PRPH: variants seen among roughly 807,000 people sequenced by gnomAD.
The protein encoded by PRPH is neurofilament 4 (57kD).
A neutral mutation model predicts 52.6 loss-of-function variants in PRPH; 48 were observed. The observed-to-expected ratio is 0.91, with a 90% CI of 0.72 to 1.16. The LOEUF is 1.16. Among genes scored for constraint, PRPH ranks in the 50% most tolerant of loss-of-function variants. The probability of loss-of-function intolerance (pLI) is 0.00; values close to 1 mark genes in which losing one functional copy is unlikely to be tolerated. For missense variants in PRPH, 579 were observed against 635.7 expected, an observed-to-expected ratio of 0.91 and a Z score of 0.96; for synonymous variants, 279 against 283.8, an observed-to-expected ratio of 0.98 and a Z score of 0.17.
chr12:49,297,172 A>C lies in PRPH; in HGVS notation c.895A>C (p.Asn299His). 6.2e-7 allele frequency: 1 copy of C among 1,614,018 alleles called. No homozygotes were observed. The highest frequency in any genetic ancestry group is 1.6e-4 in the Middle Eastern group (1 of 6,062). Residue 299 changes from asparagine (N) to histidine (H), a missense_variant, in exon 5 of 9, where the codon AAC (asparagine) becomes CAC (histidine). Physicochemically the swap from Asn to His is moderately conservative, Grantham distance 68. Transcript: ENST00000257860. This position sits in a 1 kb window ranked among gnomAD's most constrained non-coding sequence, Gnocchi z 4.4. The part of the protein sequence containing the change: ...SKYADLSDAA[N>H]RNHEALRQAK... ...GTACGCGGACCTGTCCGACGCTGCC[A>C]ACCGGAACCACGAGGCCCTGCGCCA...
At position 49,296,566 on chromosome 12, in the gene PRPH, TG is replaced by T. The variant is rs1943183060; in HGVS notation, c.702+43del. 15 of 1,585,132 alleles carry T rather than the reference TG, an allele frequency of 9.5e-6. No individual in the cohort carries two copies. Among genetic ancestry groups the T allele is most frequent in the Non-Finnish European group, 1.2e-5 (14 of 1,155,692 alleles). On this transcript the variant is annotated intron_variant, in intron 3 of 8. Coordinates refer to ENST00000257860, the MANE Select transcript of PRPH (RefSeq NM_006262.4). The surrounding 1 kb of genome is among the most constrained non-coding windows in gnomAD (Gnocchi z 5.1). Reference sequence around the variant, plus strand: ...GTATCAGGGGCGGTTTCTGAGGTTGTGGGGTGGTCTCGCTGGAGCTGGCGGG... The same window carrying T: ...GTATCAGGGGCGGTTTCTGAGGTTGTGGGTGGTCTCGCTGGAGCTGGCGGG...
In PRPH at chr12:49,296,720, G is replaced by A. The variant is rs1437412413; in HGVS notation, c.703-169G>A. 1.6e-6 allele frequency: 2 copies of A among 1,219,376 alleles called. No individual in the cohort carries two copies. Among genetic ancestry groups the A allele is most frequent in the Non-Finnish European group, 2.3e-6 (2 of 875,068 alleles). 75.5% of individuals were successfully genotyped at this position (1,219,376 alleles called of 1,614,324 possible). On this transcript the variant is annotated intron_variant, in intron 3 of 8. Transcript: ENST00000257860. The surrounding 1 kb of genome is among the most constrained non-coding windows in gnomAD (Gnocchi z 5.1). ...CGGCGGGCAGCGGGGCTGTACCTCC[G>A]AAACCTGGCCTCTGGTCTCGCGCCC...
rs753449951 is a variant in PRPH, at chr12:49,298,645, G to C, written c.*292G>C. 52 of 467,008 alleles carry C rather than the reference G, an allele frequency of 1.1e-4. No individual in the cohort carries two copies. The highest frequency in any genetic ancestry group is 2.8e-5 in the Non-Finnish European group (7 of 254,440). The allele number at this position is 467,008 out of a possible 1,614,324, so 28.9% of individuals were successfully genotyped here. On this transcript the variant is annotated 3_prime_UTR_variant, in exon 9 of 9. Coordinates refer to ENST00000257860, the MANE Select transcript of PRPH (RefSeq NM_006262.4). ...ATGAGAAGTGGGTGAGCCAGGGTCT[G>C]AGTTTCACATTTGAACCAAATAAAA... is the stretch of plus-strand genomic sequence containing the variant.
rs1943181666 is a variant in PRPH at position 49,296,485 on chromosome 12, T to C, written c.660T>C (p.Ser220=). Residue 220 remains serine, a synonymous_variant, in exon 3 of 9, where the codon TCT becomes TCC. Transcript: ENST00000257860. This position sits in a 1 kb window ranked among gnomAD's most constrained non-coding sequence, Gnocchi z 5.1. ...SRLELERKIE[S]LMDEIEFLKK... ...TGGAACTAGAGCGCAAGATTGAGTCTCTGATGGATGAGATTGAGTTCCTCA... is the reference window on the plus strand; with the variant it reads ...TGGAACTAGAGCGCAAGATTGAGTCCCTGATGGATGAGATTGAGTTCCTCA... 2 of 1,614,132 alleles carry C rather than the reference T, an allele frequency of 1.2e-6. No individual in the cohort carries two copies. Among genetic ancestry groups the C allele is most frequent in the Non-Finnish European group, 1.7e-6 (2 of 1,180,026 alleles).
chr12:49,295,792 G>A (rs1943170091), intron 1 of PRPH, 47 bp downstream of exon 1: 6 of 1,440,066 alleles, frequency 4.2e-6, no homozygotes, highest in South Asian at 1.5e-5. Context: ...AGGTCGAAGC[G>A]GCCGTCGAGG....
chr12:49,296,472 G>T lies in PRPH; in HGVS notation c.647G>T (p.Arg216Leu), dbSNP rs1438170924. ...DATLSRLELERKIESLMDEIE... is the reference protein window; with the variant it reads ...DATLSRLELELKIESLMDEIE... ...ACTCTGTCCCGCCTGGAACTAGAGC[G>T]CAAGATTGAGTCTCTGATGGATGAG... The change falls in exon 3 of 9, where the codon CGC becomes CTC. Residue 216 changes from arginine (R) to leucine (L), a missense_variant. Transcript: ENST00000257860. This position sits in a 1 kb window ranked among gnomAD's most constrained non-coding sequence, Gnocchi z 5.1. 1 of 1,614,066 alleles carries T rather than the reference G, an allele frequency of 6.2e-7. No individual in the cohort carries two copies. The highest frequency in any genetic ancestry group is 1.3e-5 in the African/African-American group (1 of 74,926).
rs1232338442 is a variant in PRPH at position 49,297,595 on chromosome 12, G to GGGGCGGGGCA, written c.1217+27_1217+36dup. On this transcript the variant is annotated intron_variant, in intron 6 of 8. Coordinates refer to ENST00000257860, the MANE Select transcript of PRPH (RefSeq NM_006262.4). The surrounding 1 kb of genome is among the most constrained non-coding windows in gnomAD (Gnocchi z 4.4). ...GAGAGCCGGTGAGGGTGGAGCTGCTGGGGCGGGGCAGGGCGGGGTCGGGAC... is the reference window on the plus strand; with the variant it reads ...GAGAGCCGGTGAGGGTGGAGCTGCTGGGGCGGGGCAGGGCGGGGCAGGGCGGGGTCGGGAC... The GGGGCGGGGCA allele has an allele frequency of 2.5e-6, 4 of 1,610,692 alleles. No individual in the cohort carries two copies. Among genetic ancestry groups the GGGGCGGGGCA allele is most frequent in the Middle Eastern group, 2.0e-4 (1 of 4,910 alleles).
At position 49,295,410 on chromosome 12, in the gene PRPH, C is replaced by T; in HGVS notation, c.210C>T (p.Leu70=). ...GCCCCCGAGCGGGAGCGGGCGCCCTCCTGCGCCTGCCCTCGGAGCGCCTCG... is the reference window on the plus strand; with the variant it reads ...GCCCCCGAGCGGGAGCGGGCGCCCTTCTGCGCCTGCCCTCGGAGCGCCTCG... ...FRSPRAGAGA[L]LRLPSERLDF... is the part of the protein sequence containing the mutation. The change falls in exon 1 of 9, where the codon CTC becomes CTT. Residue 70 remains leucine (L), a synonymous_variant. Transcript: ENST00000257860. The T allele has an allele frequency of 1.2e-6, 2 of 1,605,234 alleles. No individual in the cohort carries two copies. The highest frequency in any genetic ancestry group is 1.7e-6 in the Non-Finnish European group (2 of 1,176,790).
At position 49,298,520 on chromosome 12, in the gene PRPH, T is replaced by C; in HGVS notation, c.*167T>C. 2 of 686,778 alleles carry C rather than the reference T, an allele frequency of 2.9e-6. No individual in the cohort carries two copies. The highest frequency in any genetic ancestry group is 2.3e-5 in the Admixed American group (1 of 43,876). The allele number at this position is 686,778 out of a possible 1,614,324, so 42.5% of individuals were successfully genotyped here. On this transcript the variant is annotated 3_prime_UTR_variant, in exon 9 of 9. Transcript: ENST00000257860. ...CTACCCGGCCAGCAGTCGCTGGGCC[T>C]CTCCCTGCCCTGACACTTGATGTGA... is the stretch of plus-strand genomic sequence containing the variant.
At position 49,297,087 on chromosome 12, in the gene PRPH, G is replaced by T; in HGVS notation, c.870+31G>T. On this transcript the variant is annotated intron_variant, in intron 4 of 8. Coordinates refer to ENST00000257860, the MANE Select transcript of PRPH (RefSeq NM_006262.4). The surrounding 1 kb of genome is among the most constrained non-coding windows in gnomAD (Gnocchi z 4.4). The stretch of plus-strand genomic sequence containing the variant: ...AGAGCCGGGAGGGCCTGCGAGGCGG[G>T]ACGCTGGGGTGGTGTCGCGCGTCCC... 6.2e-7 allele frequency: 1 copy of T among 1,613,918 alleles called. No individual in the cohort carries two copies. The highest frequency in any genetic ancestry group is 8.5e-7 in the Non-Finnish European group (1 of 1,179,954).
intron 8 of PRPH, 80 bp from the exon 9 acceptor site, chr12:49,298,208 T>TG (rs1943215276): frequency 6.4e-7 from 1 of 1,567,402 alleles, no homozygotes; most frequent in Non-Finnish European, 8.8e-7. Context: ...CCCCAGGGAG[T>TG]GGGGCTCTAT....
At position 49,295,546 on chromosome 12, in the gene PRPH, C is replaced by G. The variant is rs1195090677; in HGVS notation, c.346C>G (p.Arg116Gly). The change falls in exon 1 of 9, where the codon CGC (arginine) becomes GGC (glycine). Residue 116 changes from arginine to glycine, a missense_variant. Coordinates refer to ENST00000257860, the MANE Select transcript of PRPH (RefSeq NM_006262.4). The part of the protein sequence containing the change: ...DRFANFIEKV[R>G]FLEQQNAALR... The stretch of plus-strand genomic sequence containing the variant: ...CTTCGCCAACTTCATCGAGAAGGTA[C>G]GCTTTCTGGAGCAGCAGAACGCGGC... The G allele has an allele frequency of 8.8e-6, 14 of 1,585,750 alleles. No homozygotes were observed. Among genetic ancestry groups the G allele is most frequent in the Non-Finnish European group, 1.1e-5 (13 of 1,166,376 alleles).
chr12:49,297,886 G>T lies in PRPH; in HGVS notation c.1268-72G>T. The T allele has an allele frequency of 6.3e-7, 1 of 1,592,056 alleles. No homozygotes were observed. Among genetic ancestry groups the T allele is most frequent in the East Asian group, 2.2e-5 (1 of 44,750 alleles). Reference sequence around the variant, plus strand: ...AACCCGCCCCTCCCCTGCCCTCAGGGATAGCAGTGGGAGCCTAAGAGGAGA... The same window carrying T: ...AACCCGCCCCTCCCCTGCCCTCAGGTATAGCAGTGGGAGCCTAAGAGGAGA... On this transcript the variant is annotated intron_variant, in intron 7 of 8. Coordinates refer to ENST00000257860, the MANE Select transcript of PRPH (RefSeq NM_006262.4). This position sits in a 1 kb window ranked among gnomAD's most constrained non-coding sequence, Gnocchi z 4.4.
At chr12:49,295,798 C>G in intron 1 of PRPH, 53 bp downstream of exon 1, 1 of 1,434,848 alleles carries the variant, frequency 7.0e-7, no homozygotes, top group Non-Finnish European at 9.1e-7. Flanking sequence ...AAGCGGCCGT[C>G]GAGGCGGCTG....
Position 49,296,496 on chromosome 12 carries a change from A to C in PRPH, c.671A>C (p.Glu224Ala). ...CGCAAGATTGAGTCTCTGATGGATGAGATTGAGTTCCTCAAGAAGCTGCAC... is the reference window on the plus strand; with the variant it reads ...CGCAAGATTGAGTCTCTGATGGATGCGATTGAGTTCCTCAAGAAGCTGCAC... ...LERKIESLMD[E>A]IEFLKKLHEE... Residue 224 changes from glutamate to alanine, a missense_variant, in exon 3 of 9, where the codon GAG becomes GCG. Glu to Ala is a moderately radical substitution (Grantham distance 107, BLOSUM62 -1). Transcript: ENST00000257860. This position sits in a 1 kb window ranked among gnomAD's most constrained non-coding sequence, Gnocchi z 5.1. The C allele has an allele frequency of 6.2e-7, 1 of 1,614,156 alleles. No homozygotes were observed. The highest frequency in any genetic ancestry group is 1.3e-5 in the African/African-American group (1 of 75,036).
rs1451600366 is a variant in PRPH at position 49,295,316 on chromosome 12, G to A, written c.116G>A (p.Arg39His). Reference sequence around the variant, plus strand: ...GCCTTCTCCTACTCGTCCAGCTCCCGCTTCTCCAGCAGCCGCCTGCTGGGC... The same window carrying A: ...GCCTTCTCCTACTCGTCCAGCTCCCACTTCTCCAGCAGCCGCCTGCTGGGC... The part of the protein sequence containing the change: ...PGAFSYSSSS[R>H]FSSSRLLGSA... The change falls in exon 1 of 9, where the codon CGC (arginine) becomes CAC (histidine). Residue 39 changes from arginine (R) to histidine (H), a missense_variant. Physicochemically the swap from Arg to His is conservative, Grantham distance 29 (BLOSUM62 0). Transcript: ENST00000257860. 1 of 1,611,332 alleles carries A rather than the reference G, an allele frequency of 6.2e-7. No homozygotes were observed. The highest frequency in any genetic ancestry group is 8.5e-7 in the Non-Finnish European group (1 of 1,179,550).
chr12:49,295,578 C>CG lies in PRPH; in HGVS notation c.382dup (p.Glu128GlyfsTer36), dbSNP rs1565657775. On this transcript the variant is annotated frameshift_variant, in exon 1 of 9. Transcript: ENST00000257860. LOFTEE classifies it high-confidence loss of function. ...TGGAGCAGCAGAACGCGGCCCTGCG[C>CG]GGGGAGCTGAGCCAAGCCCGGGGCC... 10 of 1,561,694 alleles carry CG rather than the reference C, an allele frequency of 6.4e-6. No individual in the cohort carries two copies. The highest frequency in any genetic ancestry group is 6.9e-6 in the Non-Finnish European group (8 of 1,153,436).
In PRPH at chr12:49,298,042, G is replaced by C. The variant is rs1943213108; in HGVS notation, c.1347+5G>C. The stretch of plus-strand genomic sequence containing the variant: ...ATTGAGACCCGGAATGGGGAGGTGA[G>C]GCAGGTCCCCTAATGCCAGGACCCC... On this transcript the variant is annotated splice_donor_5th_base_variant and intron_variant, in intron 8 of 8. Coordinates refer to ENST00000257860, the MANE Select transcript of PRPH (RefSeq NM_006262.4). 1 of 1,613,440 alleles carries C rather than the reference G, an allele frequency of 6.2e-7. No individual in the cohort carries two copies. Among genetic ancestry groups the C allele is most frequent in the African/African-American group, 1.3e-5 (1 of 74,884 alleles).
In PRPH at chr12:49,296,156, C is replaced by T; in HGVS notation, c.546-22C>T. 1.2e-6 allele frequency: 2 copies of T among 1,610,090 alleles called. No homozygotes were observed. Among genetic ancestry groups the T allele is most frequent in the Middle Eastern group, 2.0e-4 (1 of 4,900 alleles). ...CTGGGCGGCGACCCCGCAGTTCAGC[C>T]TCTGCACGCTCTTCCCGTCAGGTTG... On this transcript the variant is annotated intron_variant, in intron 1 of 8. Transcript: ENST00000257860. This position sits in a 1 kb window ranked among gnomAD's most constrained non-coding sequence, Gnocchi z 5.1.
Sources: allele counts gnomAD v4.1 joint callset, GRCh38; gene constraint gnomAD v4.1.1; non-coding constraint Gnocchi (gnomAD v3.1); transcripts MANE v1.5; gene names NCBI Gene and HGNC (gene_info 2026-07-23, HGNC 2026-07-21).